The following RBFOX1 variants were observed in gnomAD, a reference collection of about 807,000 sequenced individuals.
RBFOX1 encodes RNA binding protein fox-1 homolog 1.
Under a neutral mutation model 57.7 loss-of-function variants are expected in RBFOX1, and 8 were observed. The observed-to-expected ratio is 0.14, with a 90% CI of 0.08 to 0.25. The LOEUF is 0.25. Among genes scored for constraint, RBFOX1 ranks in the 10% least tolerant of loss-of-function variants. RBFOX1 has a pLI of 1.00. For synonymous variants in RBFOX1, 326 were observed against 222.4 expected (o/e 1.47, Z -4.15); for missense variants, 611 against 548.5 (o/e 1.11, Z -1.14).
intron 4 of RBFOX1, among the ~76,000 whole-genome samples, chr16:7,084,051 C>T (rs1193918539): frequency 6.6e-6 from 1 of 152,110 alleles, no homozygotes; most frequent in East Asian, 1.9e-4. Context: ...GTCATTTACC[C>T]TAATCCCACC....
intron 3 of RBFOX1, among the ~76,000 whole-genome samples, chr16:6,753,380 A>T (rs1317389641): frequency 6.6e-6 from 1 of 152,322 alleles, no homozygotes; most frequent in Non-Finnish European, 1.5e-5. Flanking sequence ...TCATATAGTC[A>T]ACACATAGAC....
intron 3 of RBFOX1, among the ~76,000 whole-genome samples, chr16:5,697,186 G>A (rs980076162): frequency 6.6e-6 from 1 of 152,018 alleles, no homozygotes; most frequent in African/African-American, 2.4e-5. Flanking sequence ...CAGCAATCTT[G>A]CTAAACTCTA....
chr16:6,727,827 T>C lies in RBFOX1; in HGVS notation c.-16+73177T>C, dbSNP rs149600131. Among the ~76,000 whole-genome samples, 145 of 152,322 alleles carry C rather than the reference T, an allele frequency of 9.5e-4. 1 individual carries two copies. In the Middle Eastern group the frequency reaches 0.024, roughly 25 times the overall value. On this transcript the variant is annotated intron_variant, in intron 3 of 15. Transcript: ENST00000550418. ...TAATGTTTTCCAGGACATTTGACTT[T>C]GTTTCTCTGTTCCTCCTCGGGCATG...
chr16:6,951,988 C>T (rs1208759531), intron 3 of RBFOX1, among the ~76,000 whole-genome samples: 2 of 152,166 alleles, frequency 1.3e-5, no homozygotes, highest in Non-Finnish European at 2.9e-5. Flanking sequence ...GGCATGGCAA[C>T]ATTACCAAAA....
At chr16:6,801,917 C>G (rs1292193210) in intron 3 of RBFOX1, among the ~76,000 whole-genome samples, 1 of 152,022 alleles carries the variant, frequency 6.6e-6, no homozygotes, top group African/African-American at 2.4e-5. Context: ...TCCTGAGGAC[C>G]TTCATCTGGA....
intron 4 of RBFOX1, among the ~76,000 whole-genome samples, chr16:7,413,446 A>G (rs1241077669): frequency 6.6e-6 from 1 of 152,100 alleles, no homozygotes; most frequent in Non-Finnish European, 1.5e-5. Flanking sequence ...GATGGGGCCC[A>G]GAAACTTTGC....
intron 1 of RBFOX1, among the ~76,000 whole-genome samples, chr16:5,243,566 G>C (rs1278879565): frequency 6.6e-6 from 1 of 152,158 alleles, no homozygotes; most frequent in African/African-American, 2.4e-5. Flanking sequence ...TCCTCTAGGT[G>C]CCATTCCCCC....
chr16:6,778,127 G>A (rs571178816), intron 3 of RBFOX1, among the ~76,000 whole-genome samples: 32 of 152,046 alleles, frequency 2.1e-4, no homozygotes, highest in African/African-American at 7.0e-4. Flanking sequence ...TGGATGCGCA[G>A]TGCGATTAAA....
chr16:5,777,163 C>G (rs547760298), intron 3 of RBFOX1, among the ~76,000 whole-genome samples: 5 of 152,276 alleles, frequency 3.3e-5, no homozygotes, highest in African/African-American at 1.2e-4. Context: ...CCAAAATCAG[C>G]AAGGTTGTTT....
chr16:6,625,143 C>A (rs566052817), intron 2 of RBFOX1, among the ~76,000 whole-genome samples: 1 of 133,002 alleles, frequency 7.5e-6, no homozygotes, highest in African/African-American at 2.8e-5. Context: ...CCATCCTCGG[C>A]CACCAACCCT....
intron 3 of RBFOX1, among the ~76,000 whole-genome samples, chr16:6,981,042 C>CAAAATAAAA (rs2088658166): frequency 1.3e-5 from 1 of 77,472 alleles, no homozygotes; most frequent in African/African-American, 7.9e-5. Context: ...GTCTCAGTCT[C>CAAAATAAAA]AAAAAAAAAA....
At position 7,652,817 on chromosome 16, in the gene RBFOX1, T is replaced by C. The variant is rs2065368503; in HGVS notation, c.758-998T>C. ...AGGAGTTCAGCAGACTTATCAGATG[T>C]TGGTAATAAGCTGTTTCTCATGGCA... On this transcript the variant is annotated intron_variant, in intron 11 of 15. Transcript: ENST00000550418. Among the ~76,000 whole-genome samples the C allele has an allele frequency of 2.0e-5, 3 of 152,178 alleles. No homozygotes were observed. In the South Asian group the frequency reaches 6.2e-4, roughly 32 times the overall value.
chr16:6,344,838 G>T (rs542442398), intron 2 of RBFOX1, among the ~76,000 whole-genome samples: 1 of 151,186 alleles, frequency 6.6e-6, no homozygotes, highest in African/African-American at 2.4e-5. Context: ...TTATAGGCAT[G>T]TGCCACCATG....
intron 2 of RBFOX1, among the ~76,000 whole-genome samples, chr16:6,581,432 T>A (rs2097535850): frequency 6.6e-6 from 1 of 152,204 alleles, no homozygotes; most frequent in Admixed American, 6.5e-5. Context: ...ACAGGCTTCC[T>A]TCCCCCAGCT....
intron 1 of RBFOX1, among the ~76,000 whole-genome samples, chr16:6,177,942 C>T: frequency 7.2e-6 from 1 of 138,430 alleles, no homozygotes; most frequent in Non-Finnish European, 1.6e-5. Flanking sequence ...AAAAAAGAGC[C>T]TTTTCACATT....
At chr16:6,237,441 CTAGTAACTGAG>C (rs1567744468) in intron 1 of RBFOX1, among the ~76,000 whole-genome samples, 1 of 152,154 alleles carries the variant, frequency 6.6e-6, no homozygotes, top group East Asian at 1.9e-4. Context: ...GGTTACCTAA[CTAGTAACTGAG>C]CCCCACTTTC....
intron 3 of RBFOX1, among the ~76,000 whole-genome samples, chr16:6,729,269 T>C (rs766823031): frequency 2.6e-5 from 4 of 152,290 alleles, no homozygotes; most frequent in South Asian, 2.1e-4. Context: ...TTACTTGAGA[T>C]TGGGACCTGA....
intron 2 of RBFOX1, among the ~76,000 whole-genome samples, chr16:6,515,821 T>C (rs926844623): frequency 6.6e-6 from 1 of 152,108 alleles, no homozygotes; most frequent in African/African-American, 2.4e-5. Context: ...CTGAAGTCTC[T>C]CACCCACCCT....
At chr16:7,453,714 C>G (rs1387254250) in intron 4 of RBFOX1, among the ~76,000 whole-genome samples, 3 of 152,170 alleles carry the variant, frequency 2.0e-5, no homozygotes, top group African/African-American at 7.2e-5. Flanking sequence ...AGACAGCATC[C>G]TTGCCTCTGA....
Sources: allele counts gnomAD v4.1 joint callset (sites outside exome capture counted in the v4.1 genomes callset), GRCh38; gene constraint gnomAD v4.1.1; transcripts MANE v1.5; gene names NCBI Gene and HGNC (gene_info 2026-07-23, HGNC 2026-07-21).